FGD4: variants seen among roughly 807,000 people sequenced by gnomAD.
FGD4 encodes FYVE, RhoGEF and PH domain containing 4.
Under a neutral mutation model 102.0 loss-of-function variants are expected in FGD4, and 42 were observed. That is an observed-to-expected ratio of 0.41 (90% confidence interval 0.32 to 0.53). The LOEUF is 0.53. Among genes scored for constraint, FGD4 ranks in the 20% least tolerant of loss-of-function variants. The pLI, the probability that FGD4 is intolerant of heterozygous loss-of-function variation, is 0.21. For synonymous variants in FGD4, 380 were observed against 375.7 expected (o/e 1.01, Z -0.13); for missense variants, 902 against 1,078.2 (o/e 0.84, Z 2.29).
chr12:32,538,778 G>T (rs1942533099), intron 1 of FGD4, among the ~76,000 whole-genome samples: 1 of 152,192 alleles, frequency 6.6e-6, no homozygotes, highest in South Asian at 2.1e-4. Flanking sequence ...CTTAGGCCAG[G>T]CGCAGTGGCT....
At chr12:32,587,762 G>A (rs958871809) in intron 4 of FGD4, among the ~76,000 whole-genome samples, 3 of 152,188 alleles carry the variant, frequency 2.0e-5, no homozygotes, top group Non-Finnish European at 4.4e-5. Context: ...AGGAAGGAAA[G>A]TAATGGTGTG....
intron 1 of FGD4, among the ~76,000 whole-genome samples, chr12:32,451,857 A>AG: frequency 6.6e-6 from 1 of 150,626 alleles, no homozygotes; most frequent in Non-Finnish European, 1.5e-5. Context: ...AAAAAAAAAA[A>AG]AAAAAAAGTA....
At chr12:32,456,294 T>C (rs1415692782) in intron 1 of FGD4, among the ~76,000 whole-genome samples, 1 of 152,190 alleles carries the variant, frequency 6.6e-6, no homozygotes, top group Non-Finnish European at 1.5e-5. Flanking sequence ...ATGTGACTAT[T>C]GCCATAATTT....
At chr12:32,612,469 A>G (rs1183970106) in intron 10 of FGD4, among the ~76,000 whole-genome samples, 1 of 152,214 alleles carries the variant, frequency 6.6e-6, no homozygotes, top group African/African-American at 2.4e-5. Flanking sequence ...ACTGGCCACA[A>G]AGGTGTCCAG....
At chr12:32,416,900 T>A (rs544247165) in intron 1 of FGD4, among the ~76,000 whole-genome samples, 1 of 151,830 alleles carries the variant, frequency 6.6e-6, no homozygotes, top group African/African-American at 2.4e-5. Flanking sequence ...TTTTTCTTTT[T>A]CTTTTTTTTT....
chr12:32,431,635 G>A (rs1004367694), intron 1 of FGD4, among the ~76,000 whole-genome samples: 1 of 151,958 alleles, frequency 6.6e-6, no homozygotes, highest in Non-Finnish European at 1.5e-5. Flanking sequence ...TGGGCCGGGC[G>A]CAGTGGCTCA....
intron 1 of FGD4, among the ~76,000 whole-genome samples, chr12:32,400,903 G>A (rs1471474878): frequency 6.6e-6 from 1 of 152,088 alleles, no homozygotes; most frequent in Non-Finnish European, 1.5e-5. Context: ...TTTAGTCCTG[G>A]TTCTGAACTT....
rs371297153 is a variant in FGD4 at position 32,545,381 on chromosome 12, G to A, written c.167-18756G>A. ...CTAGCTGGGGACACAACCAAAACTG[G>A]AAAATTATAGTGGTAATTCATAGTT... On this transcript the variant is annotated intron_variant, in intron 1 of 16. Transcript: ENST00000534526. Among the ~76,000 whole-genome samples the A allele has an allele frequency of 1.4e-4, 21 of 152,246 alleles. No individual in the cohort carries two copies. The East Asian group carries it at 2.5e-3, about 18-fold the overall frequency.
At chr12:32,536,884 A>T (rs930346712) in intron 1 of FGD4, among the ~76,000 whole-genome samples, 1 of 151,984 alleles carries the variant, frequency 6.6e-6, no homozygotes, top group South Asian at 2.1e-4. Context: ...TGTCTTTTCC[A>T]TGCCATTATA....
chr12:32,529,833 ACT>A lies in FGD4; in HGVS notation c.167-34301_167-34300del, dbSNP rs1375162724. On this transcript the variant is annotated intron_variant, in intron 1 of 16. Coordinates refer to ENST00000534526, the MANE Select transcript of FGD4 (RefSeq NM_001370298.3). ...ACTCCAGCATGGGTGACAGAGTGAGACTCTGTCTAAAAAAAAAAAAAAATTTA... is the reference window on the plus strand; with the variant it reads ...ACTCCAGCATGGGTGACAGAGTGAGACTGTCTAAAAAAAAAAAAAAATTTA... 3.4e-5 allele frequency among the ~76,000 whole-genome samples: 5 copies of A among 145,510 alleles called. No individual in the cohort carries two copies. The East Asian group carries it at 1.0e-3, about 30-fold the overall frequency.
At chr12:32,614,698 A>C (rs1475606277) in intron 10 of FGD4, among the ~76,000 whole-genome samples, 2 of 152,180 alleles carry the variant, frequency 1.3e-5, no homozygotes, top group Admixed American at 1.3e-4. Flanking sequence ...TTTGTTTCCT[A>C]ATCTTAAAGA....
chr12:32,567,310 G>A lies in FGD4; in HGVS notation c.319+3021G>A, dbSNP rs550759670. On this transcript the variant is annotated intron_variant, in intron 2 of 16. Coordinates refer to ENST00000534526, the MANE Select transcript of FGD4 (RefSeq NM_001370298.3). Reference sequence around the variant, plus strand: ...TTTACTGCCAACACCACCAGCCCCGGATAGTTGCTACCCACAACACTATGT... The same window carrying A: ...TTTACTGCCAACACCACCAGCCCCGAATAGTTGCTACCCACAACACTATGT... Among the ~76,000 whole-genome samples, 2 of 152,232 alleles carry A rather than the reference G, an allele frequency of 1.3e-5. 1 individual carries two copies. Among genetic ancestry groups the A allele is most frequent in the South Asian group, 4.2e-4 (2 of 4,814 alleles).
chr12:32,534,226 A>G, intron 1 of FGD4: 1 of 1,080,646 alleles, frequency 9.3e-7, no homozygotes, highest in Non-Finnish European at 1.2e-6. Context: ...ACTCCCTCTC[A>G]TGCAATGTAC....
chr12:32,529,444 T>C (rs1383149884), intron 1 of FGD4, among the ~76,000 whole-genome samples: 1 of 152,154 alleles, frequency 6.6e-6, no homozygotes, highest in Non-Finnish European at 1.5e-5. Flanking sequence ...TATGTTTTCC[T>C]ACTCCATTTT....
chr12:32,460,147 G>A (rs192631559), intron 1 of FGD4, among the ~76,000 whole-genome samples: 4 of 152,300 alleles, frequency 2.6e-5, no homozygotes, highest in Admixed American at 2.0e-4. Context: ...CATGCCTTGA[G>A]ATATTAACTA....
At chr12:32,560,473 C>T (rs1002567163) in intron 1 of FGD4, among the ~76,000 whole-genome samples, 3 of 152,152 alleles carry the variant, frequency 2.0e-5, no homozygotes, top group Non-Finnish European at 4.4e-5. Context: ...CCTACCTGGT[C>T]TCAAACTCCT....
At chr12:32,600,197 T>C (rs1024542245) in intron 5 of FGD4, among the ~76,000 whole-genome samples, 3 of 152,230 alleles carry the variant, frequency 2.0e-5, no homozygotes, top group African/African-American at 4.8e-5. Flanking sequence ...TTGAAACAAC[T>C]TTCTTCCTTA....
intron 1 of FGD4, among the ~76,000 whole-genome samples, chr12:32,431,724 G>T (rs1942051691): frequency 6.6e-6 from 1 of 151,312 alleles, no homozygotes. Flanking sequence ...AGTGAGCCAA[G>T]ATTGTGCCAC....
At position 32,407,001 on chromosome 12, in the gene FGD4, T is replaced by TG. The variant is rs368637454; in HGVS notation, c.166+7046dup. 7.8e-3 allele frequency among the ~76,000 whole-genome samples: 1,170 copies of TG among 149,568 alleles called. 16 individuals are homozygous for TG. Among genetic ancestry groups the TG allele is most frequent in the African/African-American group, 0.026 (1,059 of 40,352 alleles). ...CTAATTTTTGTATTTTTAGTAGAGA[T>TG]GGGGTTTCACCATCTTGGCCAGGCT... On this transcript the variant is annotated intron_variant, in intron 1 of 16. Coordinates refer to ENST00000534526, the MANE Select transcript of FGD4 (RefSeq NM_001370298.3).
Sources: allele counts gnomAD v4.1 joint callset (sites outside exome capture counted in the v4.1 genomes callset), GRCh38; gene constraint gnomAD v4.1.1; transcripts MANE v1.5; gene names NCBI Gene and HGNC (gene_info 2026-07-23, HGNC 2026-07-21).